FGGY: variants seen among roughly 807,000 people sequenced by gnomAD.
The protein encoded by FGGY is FGGY carbohydrate kinase domain containing.
A neutral mutation model predicts 71.3 loss-of-function variants in FGGY; 72 were observed. The ratio of observed to expected loss-of-function variants is 1.01; its 90% confidence interval spans 0.84 to 1.23. The LOEUF is 1.23. FGGY is among the 50% of genes most tolerant of loss of function. The probability of loss-of-function intolerance (pLI) is 0.00; values close to 1 mark genes in which losing one functional copy is unlikely to be tolerated. For synonymous variants in FGGY, 251 were observed against 250.3 expected, an observed-to-expected ratio of 1.00 and a Z score of -0.02; for missense variants, 668 against 682.3, an observed-to-expected ratio of 0.98 and a Z score of 0.23.
chr1:59,628,163 A>G (rs533751432), intron 10 of FGGY, among the ~76,000 whole-genome samples: 4 of 152,328 alleles, frequency 2.6e-5, no homozygotes, highest in Admixed American at 2.6e-4. Context: ...TTCCAGTAGT[A>G]TATAAGTATG....
At chr1:59,374,575 A>C (rs1169784736) in intron 4 of FGGY, among the ~76,000 whole-genome samples, 2 of 152,102 alleles carry the variant, frequency 1.3e-5, no homozygotes, top group Non-Finnish European at 2.9e-5. Context: ...AAGGACTATA[A>C]ATCATGCTGC....
At chr1:59,697,628 T>C in intron 14 of FGGY, 1 of 1,293,308 alleles carries the variant, frequency 7.7e-7, no homozygotes, top group Admixed American at 2.3e-5. Context: ...GTGCTTAACA[T>C]TTTTGTGACT....
rs1212846553 is a variant in FGGY at position 59,493,952 on chromosome 1, CT to C, written c.671-18358del. Among the ~76,000 whole-genome samples the C allele has an allele frequency of 7.2e-5, 11 of 152,218 alleles. No homozygotes were observed. In the East Asian group the frequency reaches 2.1e-3, roughly 29 times the overall value. On this transcript the variant is annotated intron_variant, in intron 6 of 15. Transcript: ENST00000303721. Reference sequence around the variant, plus strand: ...AAATCTATTATTTCTTAGTTTACAGCTAAGATGAGCCTTTTTAGGGCTAAAT... The same window carrying C: ...AAATCTATTATTTCTTAGTTTACAGCAAGATGAGCCTTTTTAGGGCTAAAT...
intron 1 of FGGY, among the ~76,000 whole-genome samples, chr1:59,316,537 C>CT (rs2045487139): frequency 6.6e-6 from 1 of 152,092 alleles, no homozygotes; most frequent in South Asian, 2.1e-4. Flanking sequence ...TCCCCTTTTC[C>CT]TTTTTTCACA....
chr1:59,517,545 C>A (rs2094698165), intron 7 of FGGY, among the ~76,000 whole-genome samples: 2 of 152,132 alleles, frequency 1.3e-5, no homozygotes, highest in African/African-American at 2.4e-5. Flanking sequence ...TCTTATCTGG[C>A]AGACAGACTC....
chr1:59,694,015 T>G (rs1294888816), intron 14 of FGGY, among the ~76,000 whole-genome samples: 3 of 129,860 alleles, frequency 2.3e-5, no homozygotes, highest in African/African-American at 9.0e-5. Context: ...TCAAAAAAAG[T>G]AAATGGCCGG....
chr1:59,598,512 C>T (rs1426302404), intron 8 of FGGY, among the ~76,000 whole-genome samples: 1 of 152,218 alleles, frequency 6.6e-6, no homozygotes, highest in Non-Finnish European at 1.5e-5. Context: ...CTGCCTCCCT[C>T]TATCCAAATT....
At chr1:59,501,255 T>C (rs2094214140) in intron 6 of FGGY, among the ~76,000 whole-genome samples, 1 of 152,126 alleles carries the variant, frequency 6.6e-6, no homozygotes, top group African/African-American at 2.4e-5. Context: ...AAAAAGAACA[T>C]CCTTTATTTT....
intron 14 of FGGY, among the ~76,000 whole-genome samples, chr1:59,693,512 A>AATGGTGGTAATGGTAGTG (rs2154005733): frequency 6.6e-6 from 1 of 152,342 alleles, no homozygotes; most frequent in East Asian, 1.9e-4. Flanking sequence ...CATACATATT[A>AATGGTGGTAATGGTAGTG]ATGGTGGTAA....
chr1:59,502,894 G>A (rs1169268095), intron 6 of FGGY, among the ~76,000 whole-genome samples: 1 of 152,222 alleles, frequency 6.6e-6, no homozygotes, highest in Non-Finnish European at 1.5e-5. Flanking sequence ...ACTGGAAGAA[G>A]CTAAAAGATT....
At chr1:59,498,791 G>T (rs1482597689) in intron 6 of FGGY, among the ~76,000 whole-genome samples, 1 of 152,140 alleles carries the variant, frequency 6.6e-6, no homozygotes, top group African/African-American at 2.4e-5. Context: ...ATCTTTCTCT[G>T]CTCGATTTCC....
chr1:59,483,569 A>G (rs2153571822), intron 6 of FGGY, among the ~76,000 whole-genome samples: 1 of 152,294 alleles, frequency 6.6e-6, no homozygotes, highest in Non-Finnish European at 1.5e-5. Context: ...TATTCTCTGT[A>G]TCTAGTTCGA....
chr1:59,588,177 T>C (rs1301817592), intron 8 of FGGY, among the ~76,000 whole-genome samples: 1 of 152,018 alleles, frequency 6.6e-6, no homozygotes, highest in African/African-American at 2.4e-5. Flanking sequence ...TGTGATCAAC[T>C]GGAAGAAAGG....
chr1:59,403,741 C>A (rs980230176), intron 5 of FGGY, among the ~76,000 whole-genome samples: 2 of 152,222 alleles, frequency 1.3e-5, no homozygotes, highest in Non-Finnish European at 2.9e-5. Flanking sequence ...AAAGTCCTCA[C>A]GTGCTTTACT....
chr1:59,580,590 T>C (rs1395604958), intron 8 of FGGY, among the ~76,000 whole-genome samples: 2 of 152,178 alleles, frequency 1.3e-5, no homozygotes, highest in Non-Finnish European at 2.9e-5. Flanking sequence ...TTCAGACTCT[T>C]GTTCTTTCTT....
At chr1:59,571,480 C>A (rs2095984302) in intron 8 of FGGY, among the ~76,000 whole-genome samples, 1 of 152,116 alleles carries the variant, frequency 6.6e-6, no homozygotes, top group Non-Finnish European at 1.5e-5. Context: ...CTTTCATACC[C>A]TGCTGGGGGA....
In FGGY at chr1:59,314,815, C is replaced by T. The variant is rs188064790; in HGVS notation, c.-14-6721C>T. Among the ~76,000 whole-genome samples, 262 of 152,316 alleles carry T rather than the reference C, an allele frequency of 1.7e-3. 1 individual carries two copies. Among genetic ancestry groups the T allele is most frequent in the Non-Finnish European group, 3.0e-3 (201 of 68,036 alleles). ...GGGATACAGAGGTGGATAAGATAGA[C>T]GCAGCTTATGTCTTCAGTTGTCAAG... On this transcript the variant is annotated intron_variant, in intron 1 of 15. Transcript: ENST00000303721.
intron 7 of FGGY, among the ~76,000 whole-genome samples, chr1:59,546,606 T>A (rs971309225): frequency 3.3e-5 from 5 of 151,962 alleles, no homozygotes; most frequent in African/African-American, 1.2e-4. Flanking sequence ...CTCGGCTCAC[T>A]GCAATCTCCG....
rs140938048 is a variant in FGGY, at chr1:59,442,081, A to G, written c.555-14880A>G. On this transcript the variant is annotated intron_variant, in intron 5 of 15. Coordinates refer to ENST00000303721, the MANE Select transcript of FGGY (RefSeq NM_018291.5). ...TTGTATTTCACTCATGAAATTCACC[A>G]ATCATGCAGAGGGTATGTTTCTAGA... Among the ~76,000 whole-genome samples the G allele has an allele frequency of 3.1e-3, 478 of 152,288 alleles. 3 individuals carry two copies. The highest frequency in any genetic ancestry group is 0.01 in the African/African-American group (436 of 41,556).
Sources: gnomAD v4.1 joint callset for allele counts (sites outside exome capture counted in the v4.1 genomes callset) on GRCh38, gnomAD v4.1.1 for gene constraint, MANE v1.5 for transcripts, NCBI Gene and HGNC (gene_info 2026-07-23, HGNC 2026-07-21) for gene names.